The following SNTG1 variants were observed in gnomAD, a reference collection of about 807,000 sequenced individuals.
SNTG1 encodes syntrophin gamma 1, also known as gamma-1-syntrophin.
Under a neutral mutation model 74.7 loss-of-function variants are expected in SNTG1, and 39 were observed. That is an observed-to-expected ratio of 0.52 (90% confidence interval 0.40 to 0.68). The LOEUF is 0.68. Among genes scored for constraint, SNTG1 ranks in the 30% least tolerant of loss-of-function variants. SNTG1 has a pLI of 0.00. For missense variants in SNTG1, 685 were observed against 609.5 expected (o/e 1.12, Z -1.30); for synonymous variants, 254 against 217.1 (o/e 1.17, Z -1.49).
intron 10 of SNTG1, among the ~76,000 whole-genome samples, chr8:50,532,671 A>T (rs1159945215): frequency 6.6e-6 from 1 of 152,164 alleles, no homozygotes; most frequent in Non-Finnish European, 1.5e-5. Context: ...TGATGGAGGA[A>T]TGGCAAGTGG....
At chr8:50,784,468 T>C (rs960705026) in intron 18 of SNTG1, among the ~76,000 whole-genome samples, 2 of 151,948 alleles carry the variant, frequency 1.3e-5, no homozygotes, top group African/African-American at 4.8e-5. Context: ...TAATGAAAAA[T>C]GAATCAATTT....
At position 50,777,526 on chromosome 8, in the gene SNTG1, A is replaced by G. The variant is rs951316483; in HGVS notation, c.1396-15145A>G. Reference sequence around the variant, plus strand: ...CTTTTCTGAGACTTTCTACACTTTCATTTGTTCTAAGCATGGTGATAATTG... The same window carrying G: ...CTTTTCTGAGACTTTCTACACTTTCGTTTGTTCTAAGCATGGTGATAATTG... On this transcript the variant is annotated intron_variant, in intron 18 of 18. Coordinates refer to ENST00000642720, the MANE Select transcript of SNTG1 (RefSeq NM_018967.5). 7.3e-5 allele frequency among the ~76,000 whole-genome samples: 11 copies of G among 150,976 alleles called. 1 individual carries two copies. Among genetic ancestry groups the G allele is most frequent in the Non-Finnish European group, 1.6e-4 (11 of 67,746 alleles).
intron 13 of SNTG1, among the ~76,000 whole-genome samples, chr8:50,625,987 C>A (rs142237272): frequency 6.6e-6 from 1 of 152,044 alleles, no homozygotes; most frequent in Non-Finnish European, 1.5e-5. Context: ...TTTTACACAG[C>A]CAAAAGATAC....
intron 1 of SNTG1, among the ~76,000 whole-genome samples, chr8:50,005,156 A>G (rs1340670574): frequency 6.6e-6 from 1 of 152,174 alleles, no homozygotes; most frequent in Non-Finnish European, 1.5e-5. Context: ...ACTGTAAATG[A>G]TAATTTACAT....
chr8:50,639,485 A>G (rs2095059030), intron 13 of SNTG1, among the ~76,000 whole-genome samples: 1 of 152,042 alleles, frequency 6.6e-6, no homozygotes, highest in African/African-American at 2.4e-5. Flanking sequence ...AAAAAGAACT[A>G]TAAGAAATAT....
At chr8:50,374,143 T>G (rs1038441515) in intron 2 of SNTG1, among the ~76,000 whole-genome samples, 3 of 152,234 alleles carry the variant, frequency 2.0e-5, no homozygotes, top group Non-Finnish European at 1.5e-5. Flanking sequence ...CTGCCACAAT[T>G]TTCACTGTCT....
intron 15 of SNTG1, among the ~76,000 whole-genome samples, chr8:50,688,178 T>A (rs1196958592): frequency 6.6e-6 from 1 of 152,190 alleles, no homozygotes; most frequent in Non-Finnish European, 1.5e-5. Flanking sequence ...ATGAGTAGAT[T>A]GCAAAAATTT....
intron 12 of SNTG1, among the ~76,000 whole-genome samples, chr8:50,578,061 A>G (rs1189060551): frequency 6.6e-6 from 1 of 152,246 alleles, no homozygotes; most frequent in African/African-American, 2.4e-5. Flanking sequence ...ATTTTTTCTG[A>G]TAACACTTGT....
At chr8:50,336,825 A>G (rs1386532211) in intron 2 of SNTG1, among the ~76,000 whole-genome samples, 1 of 152,244 alleles carries the variant, frequency 6.6e-6, no homozygotes, top group Non-Finnish European at 1.5e-5. Flanking sequence ...GGCACTGAAC[A>G]GTGAAATAAC....
intron 2 of SNTG1, among the ~76,000 whole-genome samples, chr8:50,341,009 G>C (rs1280735663): frequency 6.6e-6 from 1 of 151,912 alleles, no homozygotes; most frequent in Non-Finnish European, 1.5e-5. Flanking sequence ...CCAAATGTGA[G>C]ATAGTTACAA....
Position 50,153,077 on chromosome 8 carries a change from C to T in SNTG1, c.-102-19484C>T, listed in dbSNP as rs1447588900. Among the ~76,000 whole-genome samples, 4 of 152,148 alleles carry T rather than the reference C, an allele frequency of 2.6e-5. No individual in the cohort carries two copies. In the East Asian group the frequency reaches 7.7e-4, roughly 29 times the overall value. On this transcript the variant is annotated intron_variant, in intron 1 of 18. Transcript: ENST00000642720. ...TAGATTTGGTCTTTTCACATAGTACCATATTTCTTGGAGGCCTTGTTCGTT... is the reference window on the plus strand; with the variant it reads ...TAGATTTGGTCTTTTCACATAGTACTATATTTCTTGGAGGCCTTGTTCGTT...
chr8:50,101,924 T>A (rs1472383570), intron 1 of SNTG1, among the ~76,000 whole-genome samples: 13 of 152,158 alleles, frequency 8.5e-5, no homozygotes, highest in Non-Finnish European at 1.8e-4. Context: ...TTCCATGGTG[T>A]ATATGTGCCA....
At chr8:50,653,690 C>G (rs1156270934) in intron 13 of SNTG1, among the ~76,000 whole-genome samples, 1 of 152,070 alleles carries the variant, frequency 6.6e-6, no homozygotes, top group Non-Finnish European at 1.5e-5. Context: ...AAGTGATTAC[C>G]TGAAAGATCA....
At chr8:50,380,914 C>G (rs2092468918) in intron 2 of SNTG1, 1 of 152,154 alleles carries the variant, frequency 6.6e-6, no homozygotes. Context: ...AGGAAATGTT[C>G]AGCTTCACTT....
intron 5 of SNTG1, among the ~76,000 whole-genome samples, chr8:50,440,234 A>G (rs980155020): frequency 2.0e-5 from 3 of 151,950 alleles, no homozygotes; most frequent in African/African-American, 7.2e-5. Context: ...AATTCTTATG[A>G]CACACTCTGA....
At chr8:50,639,755 A>C (rs912745820) in intron 13 of SNTG1, among the ~76,000 whole-genome samples, 5 of 152,248 alleles carry the variant, frequency 3.3e-5, no homozygotes, top group African/African-American at 1.2e-4. Flanking sequence ...TGTAACAATT[A>C]ACAAGCCTTA....
At chr8:50,206,054 C>A (rs1158655061) in intron 2 of SNTG1, among the ~76,000 whole-genome samples, 1 of 152,136 alleles carries the variant, frequency 6.6e-6, no homozygotes, top group Admixed American at 6.5e-5. Flanking sequence ...AATGAGGGCT[C>A]TTTTTTGGTT....
At chr8:50,312,984 C>G (rs929332947) in intron 2 of SNTG1, among the ~76,000 whole-genome samples, 3 of 149,550 alleles carry the variant, frequency 2.0e-5, no homozygotes, top group Non-Finnish European at 2.9e-5. Flanking sequence ...TCCATACTAC[C>G]CAAAGCAATC....
chr8:50,498,394 T>C (rs2093922522), intron 8 of SNTG1, among the ~76,000 whole-genome samples: 1 of 151,904 alleles, frequency 6.6e-6, no homozygotes, highest in Non-Finnish European at 1.5e-5. Flanking sequence ...TAATTTGCCT[T>C]GAACATAAGT....
Sources: gnomAD v4.1 joint callset for allele counts (sites outside exome capture counted in the v4.1 genomes callset) on GRCh38, gnomAD v4.1.1 for gene constraint, MANE v1.5 for transcripts, NCBI Gene and HGNC (gene_info 2026-07-23, HGNC 2026-07-21) for gene names.